The following ZC3H14 variants were observed in gnomAD, a reference collection of about 807,000 sequenced individuals.
The protein encoded by ZC3H14 is zinc finger CCCH-type containing 14.
A neutral mutation model predicts 92.4 loss-of-function variants in ZC3H14; 31 were observed. That is an observed-to-expected ratio of 0.34 (90% CI 0.25 to 0.45). The LOEUF (loss-of-function observed/expected upper bound fraction) is 0.45, where lower values mean the gene tolerates loss of function less well. ZC3H14 is among the 20% of genes least tolerant of loss of function. The pLI is 1.00. For synonymous variants in ZC3H14, 321 were observed against 300.9 expected (o/e 1.07, Z -0.69); for missense variants, 781 against 897.3 (o/e 0.87, Z 1.66).
chr14:88,601,516 G>A (rs540394369), intron 10 of ZC3H14, among the ~76,000 whole-genome samples: 4 of 152,316 alleles, frequency 2.6e-5, no homozygotes, highest in Non-Finnish European at 4.4e-5. Context: ...GGTACTGTGC[G>A]AAGTGAACAA....
chr14:88,589,801 C>G (rs2082890483), intron 9 of ZC3H14: 2 of 152,482 alleles, frequency 1.3e-5, no homozygotes, highest in Non-Finnish European at 2.9e-5. Flanking sequence ...ATAGAATTCA[C>G]TACCGTTTAT....
At chr14:88,594,474 T>G (rs779506652) in intron 9 of ZC3H14, 43 of 1,315,600 alleles carry the variant, frequency 3.3e-5, no homozygotes, top group Middle Eastern at 6.0e-4. Flanking sequence ...TTCTTAGTTG[T>G]AGCGAAGAGC....
intron 2 of ZC3H14, among the ~76,000 whole-genome samples, chr14:88,564,811 A>G (rs1415140284): frequency 6.6e-6 from 1 of 152,206 alleles, no homozygotes; most frequent in Non-Finnish European, 1.5e-5. Flanking sequence ...GGAAATAGAA[A>G]TGCTCATAAA....
At chr14:88,576,468 A>G (rs556196732) in intron 8 of ZC3H14, among the ~76,000 whole-genome samples, 7 of 152,358 alleles carry the variant, frequency 4.6e-5, no homozygotes, top group South Asian at 2.1e-4. Flanking sequence ...GAATAATTTT[A>G]TGAGAGAATA....
Position 88,572,334 on chromosome 14 carries a change from T to C in ZC3H14, c.431+109T>C, listed in dbSNP as rs2139592070. The C allele has an allele frequency of 2.3e-6, 3 of 1,289,436 alleles. No homozygotes were observed. The East Asian group carries it at 7.4e-5, about 32-fold the overall frequency. 79.9% of individuals were successfully genotyped at this position (1,289,436 alleles called of 1,614,324 possible). ...TGTTCTCAGCAATTTTTAGAAACAA[T>C]GAAGTGATCGTGAGTAGTTTTTTGA... On this transcript the variant is annotated intron_variant, in intron 5 of 16. Transcript: ENST00000251038.
At chr14:88,601,859 A>G (rs2140058346) in intron 10 of ZC3H14, 65 bp from the exon 11 acceptor site, 3 of 1,559,956 alleles carry the variant, frequency 1.9e-6, no homozygotes, top group South Asian at 1.1e-5. Context: ...CTTCTCACAT[A>G]TATAATGTTG....
intron 12 of ZC3H14, among the ~76,000 whole-genome samples, chr14:88,606,072 A>G (rs1490909106): frequency 6.6e-6 from 1 of 152,216 alleles, no homozygotes. Flanking sequence ...ACCATAATAC[A>G]TAATACCCAT....
chr14:88,570,863 C>T, intron 3 of ZC3H14, among the ~76,000 whole-genome samples: 1 of 152,182 alleles, frequency 6.6e-6, no homozygotes, highest in East Asian at 1.9e-4. Flanking sequence ...CGCCCGTAAT[C>T]TCAACACTTT....
At position 88,618,602 on chromosome 14, in the gene ZC3H14, T is replaced by C. The variant is rs2088187349; in HGVS notation, c.*6851T>C. On this transcript the variant is annotated 3_prime_UTR_variant, in exon 17 of 17. Transcript: ENST00000251038. ...TAAATGCATTCACTAACACGAAATGTAAAAGCAGAAGAACTTGCCACCTGG... is the reference window on the plus strand; with the variant it reads ...TAAATGCATTCACTAACACGAAATGCAAAAGCAGAAGAACTTGCCACCTGG... 1 of 1,567,434 alleles carries C rather than the reference T, an allele frequency of 6.4e-7. No homozygotes were observed. The highest frequency in any genetic ancestry group is 1.4e-5 in the African/African-American group (1 of 73,350).
At chr14:88,595,129 G>T (rs541639204) in intron 9 of ZC3H14, 2 of 1,604,378 alleles carry the variant, frequency 1.2e-6, no homozygotes, top group South Asian at 1.1e-5. Context: ...CTTAATATAT[G>T]ATATGTTCTA....
chr14:88,613,154 T>G lies in ZC3H14; in HGVS notation c.*1403T>G, dbSNP rs2087067854. ...CCAGTCATTAAACCATTTGGTAAGTTGCACTTTGCTGTGCTGATCCCACAG... is the reference window on the plus strand; with the variant it reads ...CCAGTCATTAAACCATTTGGTAAGTGGCACTTTGCTGTGCTGATCCCACAG... On this transcript the variant is annotated 3_prime_UTR_variant, in exon 17 of 17. Coordinates refer to ENST00000251038, the MANE Select transcript of ZC3H14 (RefSeq NM_024824.5). The G allele has an allele frequency of 6.6e-6, 1 of 152,198 alleles. No homozygotes were observed. Among genetic ancestry groups the G allele is most frequent in the Admixed American group, 6.5e-5 (1 of 15,276 alleles). 9.4% of individuals were successfully genotyped at this position (152,198 alleles called of 1,614,324 possible).
chr14:88,609,433 G>T (rs201872432), intron 14 of ZC3H14, 30 bp downstream of exon 14: 184 of 1,613,184 alleles, frequency 1.1e-4, no homozygotes, highest in Non-Finnish European at 1.5e-4. Flanking sequence ...ACTACATTTG[G>T]GTAAAAAATA....
intron 9 of ZC3H14, among the ~76,000 whole-genome samples, chr14:88,581,694 T>C (rs2081931231): frequency 6.6e-6 from 1 of 152,174 alleles, no homozygotes; most frequent in South Asian, 2.1e-4. Context: ...TGTCAATGAA[T>C]GGTAGACCAC....
At position 88,618,955 on chromosome 14, in the gene ZC3H14, T is replaced by C; in HGVS notation, c.*7204T>C. 1 of 669,532 alleles carries C rather than the reference T, an allele frequency of 1.5e-6. No homozygotes were observed. The highest frequency in any genetic ancestry group is 3.0e-5 in the South Asian group (1 of 33,352). The allele number at this position is 669,532 out of a possible 1,614,324, so 41.5% of individuals were successfully genotyped here. A position where few individuals can be genotyped will look rare whatever the true frequency, so the allele number is the denominator to read the frequency against. ...TTTACCTGTCAGACACAACTGATCA[T>C]GTATACTGAGATTGTCTGGGTTACA... is the stretch of plus-strand genomic sequence containing the variant. On this transcript the variant is annotated 3_prime_UTR_variant, in exon 17 of 17. Coordinates refer to ENST00000251038, the MANE Select transcript of ZC3H14 (RefSeq NM_024824.5).
Position 88,620,584 on chromosome 14 carries a change from C to T in ZC3H14, c.*8833C>T, listed in dbSNP as rs1555416263. On this transcript the variant is annotated 3_prime_UTR_variant, in exon 17 of 17. Coordinates refer to ENST00000251038, the MANE Select transcript of ZC3H14 (RefSeq NM_024824.5). The surrounding 1 kb of genome is among the most constrained non-coding windows in gnomAD (Gnocchi z 4.3). ...GGTGCCCAGTGGGTTTATAATTTAG[C>T]AAGAAGAATTAAGTAGTATACAAAC... The T allele has an allele frequency of 1.9e-6, 1 of 514,328 alleles. No homozygotes were observed. The highest frequency in any genetic ancestry group is 3.2e-6 in the Non-Finnish European group (1 of 314,354). The allele number at this position is 514,328 out of a possible 1,614,324, so 31.9% of individuals were successfully genotyped here.
At chr14:88,578,927 CG>C (rs2081541941) in intron 9 of ZC3H14, among the ~76,000 whole-genome samples, 1 of 151,572 alleles carries the variant, frequency 6.6e-6, no homozygotes, top group Middle Eastern at 3.2e-3. Flanking sequence ...CCAGAACTAA[CG>C]CTATTAGTTT....
At position 88,621,130 on chromosome 14, in the gene ZC3H14, A is replaced by C; in HGVS notation, c.*9379A>C. Reference sequence around the variant, plus strand: ...GTACTTACTTTATCAGCAATATCCCAAAGTCTCACTGTCCCATCTTCTGCA... The same window carrying C: ...GTACTTACTTTATCAGCAATATCCCCAAGTCTCACTGTCCCATCTTCTGCA... On this transcript the variant is annotated 3_prime_UTR_variant, in exon 17 of 17. Transcript: ENST00000251038. The C allele has an allele frequency of 6.2e-7, 1 of 1,613,822 alleles. No individual in the cohort carries two copies. Among genetic ancestry groups the C allele is most frequent in the South Asian group, 1.1e-5 (1 of 91,052 alleles).
chr14:88,616,181 C>T lies in ZC3H14; in HGVS notation c.*4430C>T. The T allele has an allele frequency of 3.7e-6, 6 of 1,613,918 alleles. No individual in the cohort carries two copies. The highest frequency in any genetic ancestry group is 3.3e-5 in the South Asian group (3 of 91,080). ...TCCAGCACTAACAACATGTCGATCA[C>T]CACTGGTAAATCGAATATTTGTCAC... On this transcript the variant is annotated 3_prime_UTR_variant, in exon 17 of 17. Transcript: ENST00000251038.
Position 88,626,779 on chromosome 14 carries a change from C to A in ZC3H14, c.*15028C>A. 1 of 1,550,928 alleles carries A rather than the reference C, an allele frequency of 6.4e-7. No homozygotes were observed. Among genetic ancestry groups the A allele is most frequent in the South Asian group, 1.1e-5 (1 of 87,010 alleles). On this transcript the variant is annotated 3_prime_UTR_variant, in exon 17 of 17. Transcript: ENST00000251038. ...CAACAACATTCATGTGGCTGATGAT[C>A]TAAGGCAAGAGAATGTAAAGTAGTC...
Sources: allele counts gnomAD v4.1 joint callset (sites outside exome capture counted in the v4.1 genomes callset), GRCh38; gene constraint gnomAD v4.1.1; non-coding constraint Gnocchi (gnomAD v3.1); transcripts MANE v1.5; gene names NCBI Gene and HGNC (gene_info 2026-07-23, HGNC 2026-07-21).